Variants in TBC1D31 observed in about 807,000 individuals in gnomAD.
The protein encoded by TBC1D31 is WD repeat domain 67.
In TBC1D31, 99 loss-of-function variants were observed where a neutral mutation model predicts 132.9. The ratio of observed to expected loss-of-function variants is 0.74; its 90% CI spans 0.63 to 0.88. The LOEUF (loss-of-function observed/expected upper bound fraction) is 0.88. Among genes scored for constraint, TBC1D31 ranks in the 40% least tolerant of loss-of-function variants. The pLI is 0.00. For synonymous variants in TBC1D31, 385 were observed against 419.4 expected (o/e 0.92, Z 1.00); for missense variants, 1,134 against 1,256.6 (o/e 0.90, Z 1.48).
At chr8:123,095,639 A>G (rs1460634801) in intron 5 of TBC1D31, among the ~76,000 whole-genome samples, 1 of 152,168 alleles carries the variant, frequency 6.6e-6, no homozygotes, top group Non-Finnish European at 1.5e-5. Context: ...TCTTTGACTA[A>G]TAGGATCCTC....
At chr8:123,107,826 G>C (rs1178767513) in intron 8 of TBC1D31, among the ~76,000 whole-genome samples, 1 of 152,190 alleles carries the variant, frequency 6.6e-6, no homozygotes, top group Non-Finnish European at 1.5e-5. Context: ...GGCATGAAGT[G>C]CAAGTCCTCA....
chr8:123,164,721 CA>C, the TBC1D31 span, among the ~76,000 whole-genome samples: 53 of 146,888 alleles, frequency 3.6e-4, no homozygotes, highest in Admixed American at 2.6e-3. Context: ...GACTCCATCT[CA>C]AAAAAAAAAA....
At chr8:123,113,610 A>T (rs1818642945) in intron 10 of TBC1D31, among the ~76,000 whole-genome samples, 1 of 152,196 alleles carries the variant, frequency 6.6e-6, no homozygotes, top group Admixed American at 6.5e-5. Flanking sequence ...GAAGTTTCTC[A>T]TAAAATGTAA....
chr8:123,128,069 TTA>T, intron 13 of TBC1D31: 1 of 366,286 alleles, frequency 2.7e-6, no homozygotes, highest in African/African-American at 2.1e-5. Context: ...TTTTTTAATT[TTA>T]TGTCAGAATT....
At position 123,126,649 on chromosome 8, in the gene TBC1D31, ACGC is replaced by A; in HGVS notation, c.1848_1850del (p.Pro617del). 4 of 1,613,926 alleles carry A rather than the reference ACGC, an allele frequency of 2.5e-6. No individual in the cohort carries two copies. Among genetic ancestry groups the A allele is most frequent in the Non-Finnish European group, 2.5e-6 (3 of 1,179,932 alleles). ...TGTAGCCTACAACATATGTTCTAGA[ACGC>A]CTCTGCTCAGCTGTAATCTTAAAGA... On this transcript the variant is annotated inframe_deletion, in exon 13 of 22. Coordinates refer to ENST00000287380, the MANE Select transcript of TBC1D31 (RefSeq NM_145647.4).
rs11434734 is a variant in TBC1D31, at chr8:123,145,692, T to TAAAA, written c.2974+849_2974+852dup. 2.7e-4 allele frequency among the ~76,000 whole-genome samples: 38 copies of TAAAA among 141,544 alleles called. No homozygotes were observed. The East Asian group carries it at 2.9e-3, about 11-fold the overall frequency. 92.9% of individuals were successfully genotyped at this position (141,544 alleles called of 152,430 possible). A position where few individuals can be genotyped will look rare whatever the true frequency, so the allele number is the denominator to read the frequency against. On this transcript the variant is annotated intron_variant, in intron 20 of 21. Coordinates refer to ENST00000287380, the MANE Select transcript of TBC1D31 (RefSeq NM_145647.4). ...GGCAACAGAGAAGACCCTGTCTCTT[T>TAAAA]AAAAAAAAAAAAAAAGATTTCCAAA...
the TBC1D31 span, among the ~76,000 whole-genome samples, chr8:123,158,168 A>G: frequency 2.0e-5 from 3 of 151,248 alleles, no homozygotes; most frequent in African/African-American, 7.3e-5. Context: ...TCATTTACCT[A>G]CATTATTGCT....
chr8:123,141,019 C>T (rs1368879003), intron 18 of TBC1D31, 118 bp downstream of exon 18: 7 of 887,250 alleles, frequency 7.9e-6, no homozygotes, highest in African/African-American at 1.7e-5. Context: ...TTCTTTGCTT[C>T]AGTTGTCACA....
chr8:123,130,280 C>G lies in TBC1D31; in HGVS notation c.2353C>G (p.Gln785Glu), dbSNP rs758680954. The change falls in exon 16 of 22, where the codon CAA (glutamine) becomes GAA (glutamate). Residue 785 changes from glutamine to glutamate, a missense_variant. Physicochemically the swap from Gln to Glu is conservative, Grantham distance 29. Coordinates refer to ENST00000287380, the MANE Select transcript of TBC1D31 (RefSeq NM_145647.4). ...AAGAAGGCGTTTTCTGAAGCTTCAG[C>G]AAGATCAACAGGAAATGGAACTAAG... The part of the protein sequence containing the change: ...AARRRFLKLQ[Q>E]DQQEMELRRL... 2.5e-6 allele frequency: 4 copies of G among 1,612,664 alleles called. No individual in the cohort carries two copies. In the Admixed American group the frequency reaches 5.0e-5, roughly 20 times the overall value.
the TBC1D31 span, among the ~76,000 whole-genome samples, chr8:123,157,343 C>G: frequency 1.3e-5 from 2 of 152,134 alleles, no homozygotes; most frequent in Non-Finnish European, 2.9e-5. Context: ...TGAGGCTATA[C>G]AGCTGGTCTG....
chr8:123,077,342 C>T (rs987514372), intron 2 of TBC1D31, 85 bp downstream of exon 2: 78 of 1,327,082 alleles, frequency 5.9e-5, no homozygotes, highest in Non-Finnish European at 7.5e-5. Flanking sequence ...ATTATTCATT[C>T]AGAAAGATTT....
chr8:123,111,250 C>T (rs889950982), intron 10 of TBC1D31, among the ~76,000 whole-genome samples: 1 of 152,120 alleles, frequency 6.6e-6, no homozygotes, highest in African/African-American at 2.4e-5. Flanking sequence ...ATTATTTCAC[C>T]AGAGATTAGC....
At chr8:123,132,457 G>A (rs1208394116) in intron 16 of TBC1D31, among the ~76,000 whole-genome samples, 3 of 115,362 alleles carry the variant, frequency 2.6e-5, no homozygotes, top group Non-Finnish European at 4.9e-5. Context: ...TCTGTCACCT[G>A]GGCTGGAGTA....
At chr8:123,124,997 G>A (rs1819896733) in intron 11 of TBC1D31, among the ~76,000 whole-genome samples, 2 of 151,238 alleles carry the variant, frequency 1.3e-5, no homozygotes. Flanking sequence ...TTAAAGCTCA[G>A]TCTTTGCAAG....
At chr8:123,083,205 C>A (rs1198627603) in intron 3 of TBC1D31, 1 of 158,794 alleles carries the variant, frequency 6.3e-6, no homozygotes, top group Non-Finnish European at 1.4e-5. Context: ...TCTCAGATGA[C>A]ACTCCCAGCA....
rs760865977 is a variant in TBC1D31, at chr8:123,084,350, G to C, written c.519+10G>C. 1.9e-6 allele frequency: 3 copies of C among 1,613,262 alleles called. No individual in the cohort carries two copies. The highest frequency in any genetic ancestry group is 1.1e-5 in the South Asian group (1 of 90,966). ...TGTGGGTATACAGAAGGTCAGTGAG[G>C]GGGTACATCTTGGTCTGTTGTGCTT... On this transcript the variant is annotated intron_variant, in intron 4 of 21. Transcript: ENST00000287380.
Position 123,129,103 on chromosome 8 carries a change from CAA to C in TBC1D31, c.2157_2158del (p.Arg720SerfsTer2), listed in dbSNP as rs760523587. 40 of 1,606,782 alleles carry C rather than the reference CAA, an allele frequency of 2.5e-5. 1 individual carries two copies. The Middle Eastern group carries it at 8.3e-4, about 33-fold the overall frequency. ...VEDMQAKVDQ[Q>X]RVEDEAWYQK... ...AGATATGCAAGCTAAAGTCGACCAG[CAA>C]AGAGTTGAAGATGAAGCTTGGTACC... On this transcript the variant is annotated frameshift_variant, in exon 15 of 22. Coordinates refer to ENST00000287380, the MANE Select transcript of TBC1D31 (RefSeq NM_145647.4). LOFTEE classifies it high-confidence loss of function.
At chr8:123,164,556 T>C in the TBC1D31 span, among the ~76,000 whole-genome samples, 1 of 152,096 alleles carries the variant, frequency 6.6e-6, no homozygotes, top group East Asian at 1.9e-4. Flanking sequence ...ACCCCACCTC[T>C]ACTAAAAATA....
chr8:123,110,526 A>C (rs1469166938), intron 10 of TBC1D31, among the ~76,000 whole-genome samples: 1 of 152,174 alleles, frequency 6.6e-6, no homozygotes, highest in Non-Finnish European at 1.5e-5. Flanking sequence ...TTTTATTATG[A>C]AAAATTTCAA....
Sources: gnomAD v4.1 joint callset for allele counts (sites outside exome capture counted in the v4.1 genomes callset) on GRCh38, gnomAD v4.1.1 for gene constraint, MANE v1.5 for transcripts, NCBI Gene and HGNC (gene_info 2026-07-23, HGNC 2026-07-21) for gene names.